The following ITGA9 variants were observed in gnomAD, a reference collection of about 807,000 sequenced individuals.
ITGA9 encodes integrin subunit alpha 9.
ITGA9 carries 56 observed loss-of-function variants against 127.8 expected under a neutral mutation model. That is an observed-to-expected ratio of 0.44 (90% CI 0.35 to 0.55). The LOEUF is 0.55. ITGA9 is among the 20% of genes least tolerant of loss of function. ITGA9 has a pLI of 0.00. For synonymous variants in ITGA9, 508 were observed against 514.5 expected, an observed-to-expected ratio of 0.99 and a Z score of 0.17; for missense variants, 1,196 against 1,347.1, an observed-to-expected ratio of 0.89 and a Z score of 1.76.
intron 14 of ITGA9, among the ~76,000 whole-genome samples, chr3:37,541,618 A>G (rs973351116): frequency 6.6e-6 from 1 of 152,080 alleles, no homozygotes; most frequent in Non-Finnish European, 1.5e-5. Context: ...TGGCATACAC[A>G]TTCAGGTATG....
chr3:37,559,991 G>A (rs530936613), intron 15 of ITGA9, among the ~76,000 whole-genome samples: 2 of 152,264 alleles, frequency 1.3e-5, no homozygotes, highest in Admixed American at 6.5e-5. Flanking sequence ...TAGGGTACAT[G>A]TGCACAACGT....
At chr3:37,671,476 AT>A (rs771599193) in intron 17 of ITGA9, among the ~76,000 whole-genome samples, 1 of 152,046 alleles carries the variant, frequency 6.6e-6, no homozygotes, top group African/African-American at 2.4e-5. Flanking sequence ...TGGACGTGCT[AT>A]TTTTTTTAAA....
At chr3:37,606,142 G>A (rs920886613) in intron 15 of ITGA9, among the ~76,000 whole-genome samples, 1 of 152,166 alleles carries the variant, frequency 6.6e-6, no homozygotes, top group African/African-American at 2.4e-5. Context: ...TTTGAACAAA[G>A]CAAGTCTATT....
intron 17 of ITGA9, among the ~76,000 whole-genome samples, chr3:37,670,815 A>G (rs1575187143): frequency 2.0e-5 from 3 of 152,232 alleles, no homozygotes; most frequent in African/African-American, 7.2e-5. Flanking sequence ...CATAATTTCA[A>G]TATATTCCAT....
In ITGA9 at chr3:37,542,261, G is replaced by A. The variant is rs540645585; in HGVS notation, c.1529-164G>A. Reference sequence around the variant, plus strand: ...TCTCGATTCTTTGAGCACCCTGGCTGTGTGCTGCTTTCTGAGCAAGTCTCT... The same window carrying A: ...TCTCGATTCTTTGAGCACCCTGGCTATGTGCTGCTTTCTGAGCAAGTCTCT... On this transcript the variant is annotated intron_variant, in intron 14 of 27. Coordinates refer to ENST00000264741, the MANE Select transcript of ITGA9 (RefSeq NM_002207.3). Among the ~76,000 whole-genome samples the A allele has an allele frequency of 8.5e-5, 13 of 152,272 alleles. No individual in the cohort carries two copies. The South Asian group carries it at 2.7e-3, about 32-fold the overall frequency.
At position 37,568,304 on chromosome 3, in the gene ITGA9, G is replaced by C. The variant is rs61349398; in HGVS notation, c.1689+25719G>C. 4.1e-3 allele frequency among the ~76,000 whole-genome samples: 622 copies of C among 152,336 alleles called. 9 individuals are homozygous for C. The highest frequency in any genetic ancestry group is 0.014 in the African/African-American group (579 of 41,574). The stretch of plus-strand genomic sequence containing the variant: ...GTCCCTAGGCTGCACAGAGCAGGGG[G>C]ACCCCAGGCCTGGCCCATGAAACCA... On this transcript the variant is annotated intron_variant, in intron 15 of 27. Coordinates refer to ENST00000264741, the MANE Select transcript of ITGA9 (RefSeq NM_002207.3).
intron 16 of ITGA9, among the ~76,000 whole-genome samples, chr3:37,646,178 T>C (rs981476128): frequency 6.6e-6 from 1 of 152,240 alleles, no homozygotes; most frequent in African/African-American, 2.4e-5. Flanking sequence ...TGCCTGTTTT[T>C]GTAAATAAAG....
intron 4 of ITGA9, among the ~76,000 whole-genome samples, 190 bp downstream of exon 4, chr3:37,481,797 G>A (rs1698558673): frequency 6.6e-6 from 1 of 152,190 alleles, no homozygotes; most frequent in Non-Finnish European, 1.5e-5. Flanking sequence ...GGTACAGAGG[G>A]GGCAGCAGTC....
intron 26 of ITGA9, among the ~76,000 whole-genome samples, chr3:37,792,382 G>A (rs974455118): frequency 6.6e-6 from 1 of 152,208 alleles, no homozygotes; most frequent in African/African-American, 2.4e-5. Flanking sequence ...ATTTCCAGTT[G>A]AGGTTAGTCC....
intron 18 of ITGA9, among the ~76,000 whole-genome samples, chr3:37,693,000 G>A (rs1041821751): frequency 6.6e-6 from 1 of 152,214 alleles, no homozygotes; most frequent in Admixed American, 6.5e-5. Flanking sequence ...GAAGGTCAGA[G>A]ACTCAGTGTT....
At chr3:37,554,793 T>G (rs1699414020) in intron 15 of ITGA9, among the ~76,000 whole-genome samples, 1 of 152,204 alleles carries the variant, frequency 6.6e-6, no homozygotes, top group African/African-American at 2.4e-5. Flanking sequence ...AGGATGGAGT[T>G]GTCACTGGTG....
chr3:37,654,063 G>T (rs1238997046), intron 17 of ITGA9, among the ~76,000 whole-genome samples: 8 of 152,104 alleles, frequency 5.3e-5, no homozygotes, highest in Non-Finnish European at 1.2e-4. Flanking sequence ...TATTTGAGGG[G>T]TGGCTATTTT....
rs569699141 is a variant in ITGA9 at position 37,678,642 on chromosome 3, A to C, written c.1917-5223A>C. On this transcript the variant is annotated intron_variant, in intron 17 of 27. Coordinates refer to ENST00000264741, the MANE Select transcript of ITGA9 (RefSeq NM_002207.3). ...CTCAGGCTAGATTTATGATGGCAGCAAAAGAAAAGGTCATGGTTTTTATGT... is the reference window on the plus strand; with the variant it reads ...CTCAGGCTAGATTTATGATGGCAGCCAAAGAAAAGGTCATGGTTTTTATGT... 2.0e-5 allele frequency among the ~76,000 whole-genome samples: 3 copies of C among 152,360 alleles called. No individual in the cohort carries two copies. In the South Asian group the frequency reaches 6.2e-4, roughly 32 times the overall value.
At chr3:37,642,660 T>C (rs1197454547) in intron 16 of ITGA9, among the ~76,000 whole-genome samples, 1 of 152,260 alleles carries the variant, frequency 6.6e-6, no homozygotes, top group Non-Finnish European at 1.5e-5. Context: ...AAAGACAAGA[T>C]GGAGGATATA....
chr3:37,617,984 G>C (rs1700091516), intron 15 of ITGA9, among the ~76,000 whole-genome samples: 1 of 152,206 alleles, frequency 6.6e-6, no homozygotes, highest in Non-Finnish European at 1.5e-5. Context: ...TCTCCATCCA[G>C]CTTTGTTCCG....
chr3:37,563,454 G>GAGT (rs1559537550), intron 15 of ITGA9, among the ~76,000 whole-genome samples: 151 of 152,318 alleles, frequency 9.9e-4, no homozygotes, highest in African/African-American at 3.2e-3. Flanking sequence ...TGGTTCGGCT[G>GAGT]GCACTCAGCC....
intron 15 of ITGA9, among the ~76,000 whole-genome samples, chr3:37,601,628 C>T (rs1320764926): frequency 1.3e-5 from 2 of 152,200 alleles, no homozygotes; most frequent in African/African-American, 4.8e-5. Flanking sequence ...TTTTCAGACA[C>T]CATGGCTTCC....
At chr3:37,801,120 G>A (rs1460441344) in intron 26 of ITGA9, among the ~76,000 whole-genome samples, 2 of 152,082 alleles carry the variant, frequency 1.3e-5, no homozygotes, top group African/African-American at 4.8e-5. Context: ...AGTTGAGATT[G>A]CCCCACCGCA....
intron 15 of ITGA9, among the ~76,000 whole-genome samples, chr3:37,565,892 T>C (rs922812371): frequency 2.0e-5 from 3 of 152,196 alleles, no homozygotes; most frequent in African/African-American, 7.2e-5. Flanking sequence ...CCAGAAATAC[T>C]GGGGACCCTT....
Sources: allele counts gnomAD v4.1 joint callset (sites outside exome capture counted in the v4.1 genomes callset), GRCh38; gene constraint gnomAD v4.1.1; transcripts MANE v1.5; gene names NCBI Gene and HGNC (gene_info 2026-07-23, HGNC 2026-07-21).